SERPINE2: variants seen among roughly 807,000 people sequenced by gnomAD.
The protein encoded by SERPINE2 is serpin family E member 2, also known as glia-derived nexin.
Under a neutral mutation model 36.3 loss-of-function variants are expected in SERPINE2, and 14 were observed. That is an observed-to-expected ratio of 0.39 (90% CI 0.25 to 0.60). SERPINE2 has a LOEUF of 0.60. SERPINE2 is among the 20% of genes least tolerant of loss of function. SERPINE2 has a pLI of 0.57. For missense variants in SERPINE2, 418 were observed against 499.6 expected (o/e 0.84, Z 1.56); for synonymous variants, 192 against 191.8 (o/e 1.00, Z -0.01).
intron 1 of SERPINE2, among the ~76,000 whole-genome samples, chr2:224,020,135 C>T (rs888764929): frequency 7.2e-5 from 11 of 152,208 alleles, no homozygotes; most frequent in African/African-American, 2.7e-4. Flanking sequence ...CACTTAACCA[C>T]ATTTACATCA....
intron 6 of SERPINE2, 168 bp downstream of exon 6, chr2:223,982,513 T>TCAATAAATAAACGAAGGC (rs1690259790): frequency 2.0e-6 from 1 of 489,178 alleles, no homozygotes; most frequent in East Asian, 3.3e-5. Context: ...TAAATGAAGG[T>TCAATAAATAAACGAAGGC]CAATAAATAA....
chr2:223,984,647 G>C (rs1284765744), intron 5 of SERPINE2, 105 bp downstream of exon 5: 4 of 1,043,086 alleles, frequency 3.8e-6, no homozygotes, highest in South Asian at 1.5e-5. Context: ...AACAGAACAG[G>C]CTTCATGATG....
At chr2:224,027,705 C>T (rs745587194) in intron 1 of SERPINE2, among the ~76,000 whole-genome samples, 6 of 152,154 alleles carry the variant, frequency 3.9e-5, no homozygotes, top group African/African-American at 7.2e-5. Flanking sequence ...ATACCATATG[C>T]CACTGTTCTA....
rs1346010186 is a variant in SERPINE2 at position 223,977,555 on chromosome 2, T to C, written c.1145A>G (p.His382Arg). 2 of 1,607,080 alleles carry C rather than the reference T, an allele frequency of 1.2e-6. No individual in the cohort carries two copies. Among genetic ancestry groups the C allele is most frequent in the Admixed American group, 1.7e-5 (1 of 60,014 alleles). Residue 382 changes from histidine to arginine, a missense_variant, in exon 8 of 9, where the codon CAT becomes CGT. Physicochemically the swap from His to Arg is conservative, Grantham distance 29. Transcript: ENST00000409304. ...VDRPFLFFIRHNPTGAVLFMG... is the reference protein window; with the variant it reads ...VDRPFLFFIRRNPTGAVLFMG... ...GGAGAGTCACTTACCTGTAGGATTA[T>C]GTCGGATGAAAAACAGAAAAGGTCT...
chr2:223,980,452 T>G, intron 6 of SERPINE2, 55 bp from the exon 7 acceptor site: 1 of 1,508,900 alleles, frequency 6.6e-7, no homozygotes, highest in Non-Finnish European at 9.2e-7. Flanking sequence ...AGGCCATTGG[T>G]TGGTTGGGGA....
chr2:224,020,512 C>T (rs910307541), intron 1 of SERPINE2, among the ~76,000 whole-genome samples: 4 of 152,158 alleles, frequency 2.6e-5, no homozygotes, highest in East Asian at 1.9e-4. Context: ...GATCTCACTC[C>T]GTTTGCCCCT....
At chr2:224,025,146 G>A (rs932601194) in intron 1 of SERPINE2, among the ~76,000 whole-genome samples, 9 of 152,268 alleles carry the variant, frequency 5.9e-5, no homozygotes, top group East Asian at 3.9e-4. Context: ...AGAAAAAAAA[G>A]AGAGCACACG....
At chr2:223,997,308 C>G (rs912505140) in intron 3 of SERPINE2, among the ~76,000 whole-genome samples, 2 of 152,132 alleles carry the variant, frequency 1.3e-5, no homozygotes, top group Non-Finnish European at 2.9e-5. Flanking sequence ...GCAATCTCCC[C>G]CTCCCAGGTT....
intron 4 of SERPINE2, 139 bp from the exon 5 acceptor site, chr2:223,985,089 G>A: frequency 1.5e-6 from 1 of 666,468 alleles, no homozygotes; most frequent in Non-Finnish European, 2.6e-6. Flanking sequence ...TCCTTAGAAG[G>A]ACAAAGACAA....
Position 223,998,104 on chromosome 2 carries a change from C to T in SERPINE2, c.487+11G>A, listed in dbSNP as rs3795879. ...AACTATGCAATCAAATGACATACTG[C>T]GGCCACTCACCCCTGGTTTCATTTT... On this transcript the variant is annotated intron_variant, in intron 3 of 8. Transcript: ENST00000409304. 0.22 allele frequency: 344,777 copies of T among 1,594,248 alleles called. 42,789 individuals are homozygous for T. The highest frequency in any genetic ancestry group is 0.54 in the African/African-American group (40,026 of 74,392).
chr2:224,036,751 A>T (rs1692550400), intron 1 of SERPINE2, among the ~76,000 whole-genome samples: 1 of 152,124 alleles, frequency 6.6e-6, no homozygotes, highest in South Asian at 2.1e-4. Context: ...CCAGTTTAAG[A>T]AGCCTGGAGA....
chr2:224,019,627 A>G (rs1691924733), intron 1 of SERPINE2, among the ~76,000 whole-genome samples: 1 of 152,142 alleles, frequency 6.6e-6, no homozygotes, highest in Non-Finnish European at 1.5e-5. Flanking sequence ...TGCTCAATAT[A>G]TAATGGAGGC....
chr2:223,995,928 A>G (rs1391170818), intron 3 of SERPINE2, among the ~76,000 whole-genome samples: 1 of 152,212 alleles, frequency 6.6e-6, no homozygotes, highest in Admixed American at 6.5e-5. Context: ...ACATATATAC[A>G]TTTCTTTTGT....
intron 1 of SERPINE2, among the ~76,000 whole-genome samples, chr2:224,036,146 A>C (rs1377189850): frequency 6.6e-6 from 1 of 152,138 alleles, no homozygotes; most frequent in African/African-American, 2.4e-5. Flanking sequence ...GGAACACAGG[A>C]GCATGCTCAA....
At chr2:223,999,981 C>G (rs41464347) in intron 2 of SERPINE2, among the ~76,000 whole-genome samples, 2 of 152,156 alleles carry the variant, frequency 1.3e-5, no homozygotes, top group Admixed American at 6.5e-5. Flanking sequence ...ACTGCAAACT[C>G]GTACAGAAGT....
chr2:223,992,955 T>G (rs1690732083), intron 3 of SERPINE2, among the ~76,000 whole-genome samples: 1 of 151,702 alleles, frequency 6.6e-6, no homozygotes, highest in South Asian at 2.1e-4. Context: ...CTAGAAAAAA[T>G]AAAAATTAAA....
At chr2:224,038,680 CAGCCT>C in intron 1 of SERPINE2, 1 of 659,290 alleles carries the variant, frequency 1.5e-6, no homozygotes, top group East Asian at 2.7e-5. Flanking sequence ...CGGCGGCGCG[CAGCCT>C]AAGTCCGGGG....
At chr2:224,008,547 G>A (rs950552976) in intron 1 of SERPINE2, among the ~76,000 whole-genome samples, 1 of 152,164 alleles carries the variant, frequency 6.6e-6, no homozygotes, top group African/African-American at 2.4e-5. Flanking sequence ...TCTTATTGGT[G>A]CTCAAAATGA....
At chr2:224,002,468 T>C (rs1204787173) in intron 1 of SERPINE2, among the ~76,000 whole-genome samples, 1 of 152,100 alleles carries the variant, frequency 6.6e-6, no homozygotes, top group Non-Finnish European at 1.5e-5. Flanking sequence ...ATACTAATCA[T>C]TATTTAATTC....
Sources: gnomAD v4.1 joint callset for allele counts (sites outside exome capture counted in the v4.1 genomes callset) on GRCh38, gnomAD v4.1.1 for gene constraint, MANE v1.5 for transcripts, NCBI Gene and HGNC (gene_info 2026-07-23, HGNC 2026-07-21) for gene names.